The following TENM3 variants were observed in gnomAD, a reference collection of about 807,000 sequenced individuals.
The protein encoded by TENM3 is teneurin transmembrane protein 3, also known as teneurin-3.
Under a neutral mutation model 255.1 loss-of-function variants are expected in TENM3, and 63 were observed. The ratio of observed to expected loss-of-function variants is 0.25; its 90% confidence interval spans 0.20 to 0.30. The LOEUF is 0.30. Ranked by LOEUF, TENM3 falls within the 10% of genes least tolerant of loss-of-function variation. TENM3 has a pLI of 1.00. For synonymous variants in TENM3, 1,306 were observed against 1,322.3 expected, an observed-to-expected ratio of 0.99 and a Z score of 0.27; for missense variants, 2,929 against 3,461.1, an observed-to-expected ratio of 0.85 and a Z score of 3.86.
intron 3 of TENM3, among the ~76,000 whole-genome samples, chr4:182,519,721 T>A (rs577746894): frequency 6.6e-6 from 1 of 152,324 alleles, no homozygotes; most frequent in Non-Finnish European, 1.5e-5. Context: ...CTTACAGTAT[T>A]ACATAATCCA....
the TENM3 span, among the ~76,000 whole-genome samples, chr4:182,067,915 G>A: frequency 6.6e-6 from 1 of 151,906 alleles, no homozygotes; most frequent in Non-Finnish European, 1.5e-5. Flanking sequence ...TCACATTATC[G>A]TGATTTTAGC....
chr4:181,947,444 T>A, the TENM3 span, among the ~76,000 whole-genome samples: 47 of 152,208 alleles, frequency 3.1e-4, no homozygotes, highest in Non-Finnish European at 5.9e-5. Flanking sequence ...ATGTGAGCGC[T>A]GGTATTTCTA....
At chr4:182,262,816 C>T (rs1270719647) in intron 1 of TENM3, among the ~76,000 whole-genome samples, 1 of 150,952 alleles carries the variant, frequency 6.6e-6, no homozygotes, top group East Asian at 2.0e-4. Context: ...CGGGTTCACG[C>T]CATTCTCCTG....
chr4:182,574,146 C>T (rs1446043739), intron 3 of TENM3, among the ~76,000 whole-genome samples: 2 of 152,080 alleles, frequency 1.3e-5, no homozygotes, highest in African/African-American at 2.4e-5. Flanking sequence ...TTTTTTATTA[C>T]AACAAACTTG....
the TENM3 span, among the ~76,000 whole-genome samples, chr4:181,948,499 T>C: frequency 0.54 from 82,384 of 151,404 alleles, 22,825 homozygotes; most frequent in African/African-American, 0.59. Flanking sequence ...CACTGCAACC[T>C]CCACCTCCCA....
At chr4:181,488,700 A>G in the TENM3 span, among the ~76,000 whole-genome samples, 1 of 152,120 alleles carries the variant, frequency 6.6e-6, no homozygotes, top group Non-Finnish European at 1.5e-5. Flanking sequence ...CGGCTTGACC[A>G]TCAGTTTGGT....
chr4:181,717,498 G>A, the TENM3 span, among the ~76,000 whole-genome samples: 1 of 152,196 alleles, frequency 6.6e-6, no homozygotes, highest in Non-Finnish European at 1.5e-5. Context: ...TAAAGTTTCT[G>A]TGTGCAAATT....
chr4:181,558,082 T>C, the TENM3 span, among the ~76,000 whole-genome samples: 3 of 152,192 alleles, frequency 2.0e-5, no homozygotes, highest in Non-Finnish European at 4.4e-5. Flanking sequence ...CCTCTAGAGA[T>C]TTTGAAGGGA....
At chr4:182,469,950 A>G (rs2151444275) in intron 3 of TENM3, among the ~76,000 whole-genome samples, 1 of 152,284 alleles carries the variant, frequency 6.6e-6, no homozygotes, top group South Asian at 2.1e-4. Flanking sequence ...AAGAGTTCCT[A>G]TAAATTTTAG....
At chr4:182,499,791 A>G (rs1001509464) in intron 3 of TENM3, among the ~76,000 whole-genome samples, 2 of 152,146 alleles carry the variant, frequency 1.3e-5, no homozygotes, top group African/African-American at 4.8e-5. Flanking sequence ...AAACCCAACC[A>G]CAAGCCAGAT....
chr4:182,241,432 C>G (rs535501789), upstream of TENM3, among the ~76,000 whole-genome samples: 16 of 150,756 alleles, frequency 1.1e-4, no homozygotes, highest in African/African-American at 3.2e-4. Flanking sequence ...GCATTCCCCT[C>G]TGCTTCCTCT....
chr4:181,801,665 T>C, the TENM3 span, among the ~76,000 whole-genome samples: 1 of 30,238 alleles, frequency 3.3e-5, no homozygotes, highest in African/African-American at 9.2e-5. Context: ...TATATATATA[T>C]ATATATATAT....
chr4:181,491,485 G>A, the TENM3 span, among the ~76,000 whole-genome samples: 1 of 151,816 alleles, frequency 6.6e-6, no homozygotes, highest in Non-Finnish European at 1.5e-5. Flanking sequence ...TCTAAGACCA[G>A]ATAATTAGAA....
the TENM3 span, among the ~76,000 whole-genome samples, chr4:181,911,860 G>T: frequency 7.2e-5 from 11 of 152,158 alleles, no homozygotes; most frequent in Non-Finnish European, 1.3e-4. Context: ...TAATAATTAT[G>T]TACATTAAAA....
intron 4 of TENM3, among the ~76,000 whole-genome samples, chr4:182,621,189 A>T (rs1434453018): frequency 6.6e-6 from 1 of 151,284 alleles, no homozygotes; most frequent in Non-Finnish European, 1.5e-5. Flanking sequence ...TAAAAAAAAA[A>T]AGATTTAGTA....
At chr4:182,514,074 G>C (rs1285449464) in intron 3 of TENM3, among the ~76,000 whole-genome samples, 1 of 152,226 alleles carries the variant, frequency 6.6e-6, no homozygotes, top group African/African-American at 2.4e-5. Flanking sequence ...CCCTGTTGGG[G>C]CGGCATGCCC....
At chr4:181,528,777 T>A in the TENM3 span, among the ~76,000 whole-genome samples, 1 of 152,148 alleles carries the variant, frequency 6.6e-6, no homozygotes, top group Non-Finnish European at 1.5e-5. Flanking sequence ...TGCCCCCTAG[T>A]GCAAGTGTGC....
chr4:182,440,026 G>GT, intron 3 of TENM3, among the ~76,000 whole-genome samples: 1 of 151,302 alleles, frequency 6.6e-6, no homozygotes, highest in African/African-American at 2.4e-5. Context: ...ATCTGCTCTC[G>GT]TAAGTATCAC....
At chr4:182,081,206 T>A in the TENM3 span, among the ~76,000 whole-genome samples, 7 of 152,130 alleles carry the variant, frequency 4.6e-5, no homozygotes, top group Non-Finnish European at 8.8e-5. Context: ...ATTACTTAGG[T>A]AATACTCTTC....
Sources: gnomAD v4.1 joint callset for allele counts (sites outside exome capture counted in the v4.1 genomes callset) on GRCh38, gnomAD v4.1.1 for gene constraint, MANE v1.5 for transcripts, NCBI Gene and HGNC (gene_info 2026-07-23, HGNC 2026-07-21) for gene names.